Variants in DPP10 observed in about 807,000 individuals in gnomAD.
The protein encoded by DPP10 is dipeptidyl peptidase like 10.
A neutral mutation model predicts 120.9 loss-of-function variants in DPP10; 33 were observed. That is an observed-to-expected ratio of 0.27 (90% CI 0.21 to 0.37). DPP10 has a LOEUF of 0.37. Among genes scored for constraint, DPP10 ranks in the 10% least tolerant of loss-of-function variants. The probability of loss-of-function intolerance (pLI) is 1.00; values close to 1 mark genes in which losing one functional copy is unlikely to be tolerated. For missense variants in DPP10, 816 were observed against 942.8 expected, an observed-to-expected ratio of 0.87 and a Z score of 1.76; for synonymous variants, 337 against 326.1, an observed-to-expected ratio of 1.03 and a Z score of -0.36.
intron 1 of DPP10, among the ~76,000 whole-genome samples, chr2:115,252,870 A>T (rs2058813543): frequency 6.6e-6 from 1 of 152,242 alleles, no homozygotes; most frequent in Non-Finnish European, 1.5e-5. Context: ...AGTTTGCCAA[A>T]GGCAAAGTTG....
chr2:114,960,781 A>G (rs548703755), intron 1 of DPP10, among the ~76,000 whole-genome samples: 1 of 152,160 alleles, frequency 6.6e-6, no homozygotes, highest in Non-Finnish European at 1.5e-5. Context: ...TTGTATAAGC[A>G]ATATGAATTG....
At chr2:115,131,504 C>T (rs1210527968) in intron 1 of DPP10, among the ~76,000 whole-genome samples, 1 of 152,020 alleles carries the variant, frequency 6.6e-6, no homozygotes, top group African/African-American at 2.4e-5. Context: ...TAAAGCAAAA[C>T]CCTGTCTCAA....
At chr2:115,383,332 C>T (rs1043306851) in intron 3 of DPP10, among the ~76,000 whole-genome samples, 3 of 152,174 alleles carry the variant, frequency 2.0e-5, no homozygotes, top group African/African-American at 7.2e-5. Flanking sequence ...TGCACAAGCT[C>T]TCTTCTCTTG....
At chr2:115,781,380 T>C (rs922821158) in intron 16 of DPP10, among the ~76,000 whole-genome samples, 1 of 151,892 alleles carries the variant, frequency 6.6e-6, no homozygotes, top group African/African-American at 2.4e-5. Flanking sequence ...AGATTTAGGA[T>C]CTATGGAAAT....
intron 2 of DPP10, among the ~76,000 whole-genome samples, chr2:115,333,213 A>G (rs920902383): frequency 6.6e-6 from 1 of 152,078 alleles, no homozygotes. Flanking sequence ...TTGTTGGTTT[A>G]AAGTCTGTTT....
intron 1 of DPP10, among the ~76,000 whole-genome samples, chr2:114,746,339 C>T (rs193109121): frequency 5.9e-5 from 9 of 152,320 alleles, no homozygotes; most frequent in African/African-American, 2.2e-4. Flanking sequence ...GGTTCTATTT[C>T]TGCTGAGCCA....
intron 1 of DPP10, among the ~76,000 whole-genome samples, chr2:114,457,302 T>C (rs1169918716): frequency 6.6e-6 from 1 of 152,170 alleles, no homozygotes; most frequent in East Asian, 1.9e-4. Context: ...ACTGGCATCG[T>C]AGGATGTCTG....
chr2:114,478,487 C>T (rs1680714747), intron 1 of DPP10, among the ~76,000 whole-genome samples: 1 of 151,968 alleles, frequency 6.6e-6, no homozygotes, highest in South Asian at 2.1e-4. Flanking sequence ...CATTATTTTC[C>T]TCCTAAGGTT....
intron 1 of DPP10, among the ~76,000 whole-genome samples, chr2:115,035,645 T>A (rs1473764314): frequency 6.6e-6 from 1 of 152,192 alleles, no homozygotes; most frequent in Non-Finnish European, 1.5e-5. Context: ...ACCCACTTCA[T>A]TCCTCACATC....
At chr2:115,285,206 C>A (rs949756992) in intron 1 of DPP10, among the ~76,000 whole-genome samples, 2 of 151,960 alleles carry the variant, frequency 1.3e-5, no homozygotes, top group Middle Eastern at 3.2e-3. Context: ...ACATACATGC[C>A]CTGAACTGCT....
chr2:115,725,779 G>A lies in DPP10; in HGVS notation c.577-2037G>A, dbSNP rs187028300. 1.4e-4 allele frequency among the ~76,000 whole-genome samples: 22 copies of A among 152,240 alleles called. 1 individual carries two copies. The highest frequency in any genetic ancestry group is 4.6e-4 in the African/African-American group (19 of 41,538). On this transcript the variant is annotated intron_variant, in intron 7 of 25. Coordinates refer to ENST00000410059, the MANE Select transcript of DPP10 (RefSeq NM_020868.6). ...TTATGACTCACAAGTCCCACTAGAA[G>A]TTTCAGGTACAGGAAAGGAATTTCC...
chr2:115,725,235 A>G (rs563331853), intron 7 of DPP10, among the ~76,000 whole-genome samples: 1 of 152,298 alleles, frequency 6.6e-6, no homozygotes, highest in Non-Finnish European at 1.5e-5. Context: ...TAATTTCCTC[A>G]GAGTGCTCAG....
intron 1 of DPP10, among the ~76,000 whole-genome samples, chr2:114,515,508 C>T (rs749734600): frequency 1.4e-5 from 2 of 147,504 alleles, no homozygotes; most frequent in African/African-American, 5.0e-5. Flanking sequence ...AAAATGCTCA[C>T]GTAGGTCTCA....
intron 1 of DPP10, among the ~76,000 whole-genome samples, chr2:114,955,413 C>T (rs1439487265): frequency 2.6e-5 from 4 of 152,186 alleles, no homozygotes; most frequent in Non-Finnish European, 5.9e-5. Context: ...TCCGATAATG[C>T]AGCCCAGTGG....
Position 115,125,517 on chromosome 2 carries a change from T to G in DPP10, c.61-183722T>G, listed in dbSNP as rs11123282. ...CCAATTATACCATTTTTAAAGTATT[T>G]TCTTTGCTTCCTCAAATAGTGAGCC... On this transcript the variant is annotated intron_variant, in intron 1 of 25. Coordinates refer to ENST00000410059, the MANE Select transcript of DPP10 (RefSeq NM_020868.6). Among the ~76,000 whole-genome samples the G allele has an allele frequency of 3.2e-3, 480 of 152,008 alleles. 1 individual carries two copies. The highest frequency in any genetic ancestry group is 0.01 in the African/African-American group (426 of 41,470).
chr2:115,468,787 A>G, intron 3 of DPP10: 1 of 452,062 alleles, frequency 2.2e-6, no homozygotes, highest in South Asian at 1.7e-5. Context: ...CTGAAGTTGC[A>G]GACTGGTCTC....
chr2:114,613,504 T>C (rs934160855), intron 1 of DPP10, among the ~76,000 whole-genome samples: 10 of 152,182 alleles, frequency 6.6e-5, no homozygotes, highest in Admixed American at 5.9e-4. Flanking sequence ...GGATTGCTTT[T>C]ACACTGTTGG....
intron 1 of DPP10, among the ~76,000 whole-genome samples, chr2:115,127,562 G>A (rs2050140758): frequency 6.6e-6 from 1 of 152,130 alleles, no homozygotes; most frequent in Non-Finnish European, 1.5e-5. Context: ...CTATCAAGAT[G>A]GGTAAGATTA....
At chr2:115,754,993 A>G (rs1575686831) in intron 11 of DPP10, among the ~76,000 whole-genome samples, 1 of 152,122 alleles carries the variant, frequency 6.6e-6, no homozygotes, top group African/African-American at 2.4e-5. Flanking sequence ...GAAATCTCAC[A>G]TGTGCAGTTA....
Sources: allele counts gnomAD v4.1 joint callset (sites outside exome capture counted in the v4.1 genomes callset), GRCh38; gene constraint gnomAD v4.1.1; transcripts MANE v1.5; gene names NCBI Gene and HGNC (gene_info 2026-07-23, HGNC 2026-07-21).